WFDC3: variants seen among roughly 807,000 people sequenced by gnomAD.
WFDC3 encodes WAP four-disulfide core domain protein 3.
A neutral mutation model predicts 25.8 loss-of-function variants in WFDC3; 15 were observed. The ratio of observed to expected loss-of-function variants is 0.58; its 90% CI spans 0.39 to 0.89. The LOEUF (loss-of-function observed/expected upper bound fraction) is 0.89. Among genes scored for constraint, WFDC3 ranks in the 40% least tolerant of loss-of-function variants. The pLI is 0.00. For missense variants in WFDC3, 264 were observed against 289.8 expected, an observed-to-expected ratio of 0.91 and a Z score of 0.65; for synonymous variants, 103 against 107.1, an observed-to-expected ratio of 0.96 and a Z score of 0.24.
At chr20:45,788,142 A>G in intron 3 of WFDC3, 160 bp from the exon 4 acceptor site, 1 of 653,170 alleles carries the variant, frequency 1.5e-6, no homozygotes, top group South Asian at 2.4e-5. Context: ...CATCTCTACT[A>G]AAAATACAAA....
chr20:45,787,275 CT>C (rs1047664663), intron 4 of WFDC3, among the ~76,000 whole-genome samples: 3 of 95,134 alleles, frequency 3.2e-5, no homozygotes, highest in Non-Finnish European at 6.5e-5. Context: ...CAGTGGTTTT[CT>C]TTTTTCTTTT....
chr20:45,789,473 T>C (rs1980845012), intron 2 of WFDC3, among the ~76,000 whole-genome samples: 1 of 145,666 alleles, frequency 6.9e-6, no homozygotes, highest in South Asian at 2.2e-4. Context: ...GCCACTGCAC[T>C]CCAGCCTGGG....
chr20:45,789,204 T>TA, intron 2 of WFDC3, 145 bp from the exon 3 acceptor site: 1 of 1,020,876 alleles, frequency 9.8e-7, no homozygotes, highest in Non-Finnish European at 1.3e-6. Context: ...ACCCTGTCTC[T>TA]TAAAAAAAAA....
chr20:45,787,907 G>C lies in WFDC3; in HGVS notation c.287C>G (p.Pro96Arg), dbSNP rs371019331. The C allele has an allele frequency of 1.9e-5, 31 of 1,613,942 alleles. No homozygotes were observed. The highest frequency in any genetic ancestry group is 2.5e-5 in the Non-Finnish European group (29 of 1,180,016). ...LKRCITDETC[P>R]GVKKCCTLGC... The stretch of plus-strand genomic sequence containing the variant: ...AAGCGTGCAGCATTTCTTTACACCT[G>C]GACATGTCTCATCAGTGATGCACCT... The change falls in exon 4 of 7, where the codon CCA becomes CGA. Residue 96 changes from proline (P) to arginine (R), a missense_variant. Coordinates refer to ENST00000243938, the MANE Select transcript of WFDC3 (RefSeq NM_080614.2).
At chr20:45,786,895 C>A (rs1047720073) in intron 4 of WFDC3, among the ~76,000 whole-genome samples, 40 of 151,816 alleles carry the variant, frequency 2.6e-4, no homozygotes, top group Non-Finnish European at 5.4e-4. Context: ...GAGATTGAGA[C>A]CATCCTGGCT....
chr20:45,778,161 T>A (rs967909799), intron 4 of WFDC3, among the ~76,000 whole-genome samples: 7 of 152,196 alleles, frequency 4.6e-5, no homozygotes, highest in African/African-American at 7.2e-5. Context: ...CCAGCCGCCA[T>A]GCTATAAAGC....
intron 4 of WFDC3, among the ~76,000 whole-genome samples, chr20:45,785,262 G>T (rs1980615547): frequency 6.6e-6 from 1 of 152,054 alleles, no homozygotes; most frequent in Admixed American, 6.6e-5. Flanking sequence ...CTGAGGTCAG[G>T]AGTTCGAGAT....
intron 4 of WFDC3, among the ~76,000 whole-genome samples, chr20:45,777,792 A>G (rs757795451): frequency 2.0e-5 from 3 of 152,314 alleles, no homozygotes; most frequent in Middle Eastern, 3.4e-3. Flanking sequence ...AAGTGCCAGG[A>G]TTACAGGCGT....
Position 45,777,226 on chromosome 20 carries a change from T to C in WFDC3, c.359-17A>G, listed in dbSNP as rs776646379. 29 of 1,504,610 alleles carry C rather than the reference T, an allele frequency of 1.9e-5. No individual in the cohort carries two copies. The highest frequency in any genetic ancestry group is 4.1e-5 in the South Asian group (3 of 73,866). The allele number at this position is 1,504,610 out of a possible 1,614,324, so 93.2% of individuals were successfully genotyped here. On this transcript the variant is annotated splice_polypyrimidine_tract_variant and intron_variant, in intron 4 of 6. Coordinates refer to ENST00000243938, the MANE Select transcript of WFDC3 (RefSeq NM_080614.2). ...CAAACTCTGCTACATAATCAAAGCA[T>C]TGGAGCCCAGAGACGCTCACAATAT...
intron 5 of WFDC3, among the ~76,000 whole-genome samples, chr20:45,776,617 AAAAAG>A (rs1568697356): frequency 4.0e-4 from 29 of 72,826 alleles, no homozygotes; most frequent in African/African-American, 1.7e-3. Flanking sequence ...AAAAAAGAAA[AAAAAG>A]AAAAAAAAAA....
intron 4 of WFDC3, among the ~76,000 whole-genome samples, chr20:45,780,399 C>G (rs1357081887): frequency 6.6e-6 from 1 of 152,122 alleles, no homozygotes; most frequent in Non-Finnish European, 1.5e-5. Context: ...TTATACTGAC[C>G]TGAAATCTGG....
In WFDC3 at chr20:45,787,964, G is replaced by A. The variant is rs776392629; in HGVS notation, c.230C>T (p.Pro77Leu). ...ACAGGATTGTTTCCGAATAACCCTA[G>A]GGCAATCTCTTTTCCTCCCTGTAGC... ...DIPKGRKRDC[P>L]RVIRKQSCLK... The change falls in exon 4 of 7, where the codon CCT becomes CTT. Residue 77 changes from proline (P) to leucine (L), a missense_variant. Coordinates refer to ENST00000243938, the MANE Select transcript of WFDC3 (RefSeq NM_080614.2). 6.2e-7 allele frequency: 1 copy of A among 1,613,134 alleles called. No homozygotes were observed.
intron 1 of WFDC3, among the ~76,000 whole-genome samples, chr20:45,790,678 T>G (rs1351802757): frequency 6.6e-6 from 1 of 150,674 alleles, no homozygotes; most frequent in African/African-American, 2.4e-5. Flanking sequence ...TGAGTGGAGA[T>G]CATGCCACTG....
rs369290586 is a variant in WFDC3 at position 45,774,231 on chromosome 20, G to A, written c.*197C>T. The stretch of plus-strand genomic sequence containing the variant: ...CAAGAGGTCAGCACCAGCCTTTATC[G>A]GGAAAGAGAAGCACCACACACCCAC... On this transcript the variant is annotated 3_prime_UTR_variant, in exon 7 of 7. Coordinates refer to ENST00000243938, the MANE Select transcript of WFDC3 (RefSeq NM_080614.2). The A allele has an allele frequency of 2.9e-6, 2 of 680,250 alleles. No homozygotes were observed. The highest frequency in any genetic ancestry group is 5.0e-6 in the Non-Finnish European group (2 of 396,178). The allele number at this position is 680,250 out of a possible 1,614,324, so 42.1% of individuals were successfully genotyped here.
At chr20:45,789,800 G>C (rs879471976) in intron 2 of WFDC3, 94 bp downstream of exon 2, 10 of 1,137,450 alleles carry the variant, frequency 8.8e-6, no homozygotes, top group Non-Finnish European at 1.3e-5. Flanking sequence ...CCACTTACAA[G>C]CAACCTTGCT....
intron 4 of WFDC3, among the ~76,000 whole-genome samples, chr20:45,782,533 A>G (rs1412163690): frequency 6.6e-6 from 1 of 151,972 alleles, no homozygotes. Context: ...GCCCACCATC[A>G]TGCCCGGCTA....
chr20:45,780,122 G>A (rs1340123283), intron 4 of WFDC3, among the ~76,000 whole-genome samples: 1 of 142,562 alleles, frequency 7.0e-6, no homozygotes, highest in Non-Finnish European at 1.5e-5. Context: ...AGGCTGGGGT[G>A]CAGTGCCGCA....
chr20:45,781,728 G>A (rs981381034), intron 4 of WFDC3, among the ~76,000 whole-genome samples: 6 of 152,164 alleles, frequency 3.9e-5, no homozygotes, highest in African/African-American at 1.2e-4. Context: ...TGCCTAGCAC[G>A]TACCAAGATT....
rs952981116 is a variant in WFDC3, at chr20:45,775,510, T to G, written c.586A>C (p.Lys196Gln). The G allele has an allele frequency of 6.2e-7, 1 of 1,614,162 alleles. No homozygotes were observed. Among genetic ancestry groups the G allele is most frequent in the Non-Finnish European group, 8.5e-7 (1 of 1,180,042 alleles). Residue 196 changes from lysine (K) to glutamine (Q), a missense_variant, in exon 6 of 7, where the codon AAG becomes CAG. Physicochemically the swap from Lys to Gln is moderately conservative, Grantham distance 53 (BLOSUM62 1). Coordinates refer to ENST00000243938, the MANE Select transcript of WFDC3 (RefSeq NM_080614.2). ...ENCQAGEKCC[K>Q]SGCGRFCVPP... ...ACACAGAAGCGGCCACAGCCTGACTTGCAACATTTTTCTCCAGCTTGACAA... is the reference window on the plus strand; with the variant it reads ...ACACAGAAGCGGCCACAGCCTGACTGGCAACATTTTTCTCCAGCTTGACAA...
Sources: allele counts gnomAD v4.1 joint callset (sites outside exome capture counted in the v4.1 genomes callset), GRCh38; gene constraint gnomAD v4.1.1; transcripts MANE v1.5; gene names NCBI Gene and HGNC (gene_info 2026-07-23, HGNC 2026-07-21).